Variants in ANKRD26 observed in about 807,000 individuals in gnomAD.
The protein encoded by ANKRD26 is ankyrin repeat domain 26.
In ANKRD26, 141 loss-of-function variants were observed where a neutral mutation model predicts 208.7. That is an observed-to-expected ratio of 0.68 (90% confidence interval 0.59 to 0.78). The LOEUF is 0.78. ANKRD26 is among the 30% of genes least tolerant of loss of function. The pLI, the probability that ANKRD26 is intolerant of heterozygous loss-of-function variation, is 0.00. For synonymous variants in ANKRD26, 636 were observed against 660.4 expected (o/e 0.96, Z 0.57); for missense variants, 1,889 against 1,938.7 (o/e 0.97, Z 0.48).
chr10:27,032,197 A>C (rs1031871963), intron 25 of ANKRD26, among the ~76,000 whole-genome samples: 1 of 152,254 alleles, frequency 6.6e-6, no homozygotes, highest in Non-Finnish European at 1.5e-5. Flanking sequence ...AAATGGCAGA[A>C]TGAAAGAGTT....
the ANKRD26 span, among the ~76,000 whole-genome samples, chr10:26,956,025 CTG>C: frequency 1.3e-5 from 2 of 152,028 alleles, no homozygotes; most frequent in Non-Finnish European, 2.9e-5. Context: ...AAATGACTAT[CTG>C]TGTTTAAAAT....
At chr10:27,012,831 G>C in intron 32 of ANKRD26, 51 bp downstream of exon 32, 1 of 1,544,500 alleles carries the variant, frequency 6.5e-7, no homozygotes, top group Non-Finnish European at 8.9e-7. Context: ...AACAAAAAAA[G>C]AATTACATGA....
Position 27,100,414 on chromosome 10 carries a change from C to T in ANKRD26, c.-88G>A, listed in dbSNP as rs957607780. 242 of 1,560,064 alleles carry T rather than the reference C, an allele frequency of 1.6e-4. No individual in the cohort carries two copies. The highest frequency in any genetic ancestry group is 1.9e-4 in the Non-Finnish European group (219 of 1,161,952). On this transcript the variant is annotated 5_prime_UTR_variant, in exon 1 of 34. Transcript: ENST00000376087. ...GCCCAACATAACAAGTCAGCCCCGG[C>T]TGGCCGCAGCCTCCCAAAGGAAACT...
intron 15 of ANKRD26, among the ~76,000 whole-genome samples, chr10:27,053,729 G>T (rs568759405): frequency 1.9e-3 from 295 of 152,144 alleles, no homozygotes; most frequent in Non-Finnish European, 2.7e-3. Flanking sequence ...GACAATACCA[G>T]GTTCAACCCA....
In ANKRD26 at chr10:27,086,564, T is replaced by A. The variant is rs2056122992; in HGVS notation, c.684A>T (p.Lys228Asn). ...CTGAATTACTATTTTGAGAAGAATG[T>A]TTAGGTATCCTTTCTTCTTTATATT... is the stretch of plus-strand genomic sequence containing the variant. ...ISEYKEERIPKHSSQNSNSVD... is the reference protein window; with the variant it reads ...ISEYKEERIPNHSSQNSNSVD... The change falls in exon 5 of 34, where the codon AAA becomes AAT. Residue 228 changes from lysine to asparagine, a missense_variant. Coordinates refer to ENST00000376087, the MANE Select transcript of ANKRD26 (RefSeq NM_014915.3). The A allele has an allele frequency of 1.2e-6, 2 of 1,605,702 alleles. No homozygotes were observed. The highest frequency in any genetic ancestry group is 2.2e-5 in the South Asian group (2 of 90,946).
intron 30 of ANKRD26, 148 bp downstream of exon 30, chr10:27,017,354 T>C (rs1285057964): frequency 7.0e-6 from 5 of 711,636 alleles, no homozygotes; most frequent in African/African-American, 1.8e-5. Flanking sequence ...GAAACTGGAA[T>C]ATCTAAAGGG....
At chr10:27,060,455 G>A in intron 14 of ANKRD26, 38 bp from the exon 15 acceptor site, 1 of 1,566,168 alleles carries the variant, frequency 6.4e-7, no homozygotes, top group Non-Finnish European at 8.8e-7. Flanking sequence ...AATAAATAAT[G>A]TATACTTTAT....
intron 27 of ANKRD26, among the ~76,000 whole-genome samples, chr10:27,027,288 T>C (rs2053693810): frequency 6.6e-6 from 1 of 152,224 alleles, no homozygotes; most frequent in Non-Finnish European, 1.5e-5. Context: ...ATAGTATCCA[T>C]TCTTGATGAG....
Position 27,046,362 on chromosome 10 carries a change from T to A in ANKRD26, c.1976A>T (p.Asp659Val). The stretch of plus-strand genomic sequence containing the variant: ...AAATCATAGATTTTACCTTCCTTCA[T>A]CCTCATCTATTTCACTTAAACTGCT... The part of the protein sequence containing the change: ...DDSSLSEIDE[D>V]EGRPTKKTSN... The change falls in exon 18 of 34, where the codon GAT becomes GTT. Residue 659 changes from aspartate (D) to valine (V), a missense_variant. Around this residue, in one of 3 missense-constraint regions of ANKRD26, gnomAD observed 1,272 missense variants for 1,273.8 expected, o/e 1.00. Coordinates refer to ENST00000376087, the MANE Select transcript of ANKRD26 (RefSeq NM_014915.3). 2.5e-6 allele frequency: 4 copies of A among 1,614,030 alleles called. No individual in the cohort carries two copies. Among genetic ancestry groups the A allele is most frequent in the Non-Finnish European group, 3.4e-6 (4 of 1,179,954 alleles).
intron 5 of ANKRD26, among the ~76,000 whole-genome samples, chr10:26,976,909 A>G (rs1383669710): frequency 6.6e-6 from 1 of 152,014 alleles, no homozygotes; most frequent in African/African-American, 2.4e-5. Flanking sequence ...GAAATCCACT[A>G]TTTTCAGAGG....
intron 15 of ANKRD26, among the ~76,000 whole-genome samples, chr10:27,055,184 G>C (rs1235631677): frequency 6.6e-6 from 1 of 152,088 alleles, no homozygotes; most frequent in Non-Finnish European, 1.5e-5. Context: ...CCTTATAAAA[G>C]GTATTAAATG....
At chr10:27,055,846 G>T (rs1028149839) in intron 15 of ANKRD26, among the ~76,000 whole-genome samples, 1 of 152,002 alleles carries the variant, frequency 6.6e-6, no homozygotes, top group South Asian at 2.1e-4. Flanking sequence ...GTGCTTTTTT[G>T]TTACATTACA....
At chr10:26,972,664 C>G (rs910850769), downstream of ANKRD26, among the ~76,000 whole-genome samples, 1 of 147,616 alleles carries the variant, frequency 6.8e-6, no homozygotes, top group Non-Finnish European at 1.5e-5. Flanking sequence ...GATCTTGGCT[C>G]ACTGCAAGTT....
chr10:27,096,942 G>A (rs1354432005), intron 1 of ANKRD26, among the ~76,000 whole-genome samples: 1 of 152,036 alleles, frequency 6.6e-6, no homozygotes, highest in Admixed American at 6.6e-5. Context: ...AACACTTTGG[G>A]AGGCCAAGGC....
At position 27,035,323 on chromosome 10, in the gene ANKRD26, G is replaced by C; in HGVS notation, c.3127C>G (p.Arg1043Gly). 1 of 1,613,832 alleles carries C rather than the reference G, an allele frequency of 6.2e-7. No homozygotes were observed. The highest frequency in any genetic ancestry group is 8.5e-7 in the Non-Finnish European group (1 of 1,179,894). ...AFQRARDECS[R>G]LQDKMNFDVS... is the part of the protein sequence containing the mutation. ...TCAAAATTCATTTTGTCCTGTAAACGAGAACATTCATCTCTTGCTCTCTGG... is the reference window on the plus strand; with the variant it reads ...TCAAAATTCATTTTGTCCTGTAAACCAGAACATTCATCTCTTGCTCTCTGG... Residue 1043 changes from arginine (R) to glycine (G), a missense_variant, in exon 24 of 34, where the codon CGT (arginine) becomes GGT (glycine). By Grantham distance (125) the Arg-to-Gly change is moderately radical. Coordinates refer to ENST00000376087, the MANE Select transcript of ANKRD26 (RefSeq NM_014915.3).
chr10:27,034,039 C>T (rs184919908), intron 24 of ANKRD26, among the ~76,000 whole-genome samples: 1 of 152,136 alleles, frequency 6.6e-6, no homozygotes, highest in Admixed American at 6.5e-5. Flanking sequence ...AAGTTATACC[C>T]AAATGATAGT....
chr10:26,970,808 G>A (rs77179451), downstream of ANKRD26, among the ~76,000 whole-genome samples: 3,538 of 152,234 alleles, frequency 0.023, 146 homozygotes, highest in African/African-American at 0.08. Flanking sequence ...AATCAAATAC[G>A]GAGCCAGCAC....
chr10:27,090,631 G>A (rs2056270305), intron 4 of ANKRD26, among the ~76,000 whole-genome samples: 1 of 151,928 alleles, frequency 6.6e-6, no homozygotes, highest in African/African-American at 2.4e-5. Context: ...GTCTCACTGG[G>A]GTATTACATA....
chr10:27,062,141 T>G lies in ANKRD26; in HGVS notation c.1364-899A>C, dbSNP rs547789190. On this transcript the variant is annotated intron_variant, in intron 12 of 33. Coordinates refer to ENST00000376087, the MANE Select transcript of ANKRD26 (RefSeq NM_014915.3). ...GCAAAAGTAATCTCCAGATCTGTGGTCTTGATTCTTCCCATTCTATATTCT... is the reference window on the plus strand; with the variant it reads ...GCAAAAGTAATCTCCAGATCTGTGGGCTTGATTCTTCCCATTCTATATTCT... 142 of 985,360 alleles carry G rather than the reference T, an allele frequency of 1.4e-4. No individual in the cohort carries two copies. In the East Asian group the frequency reaches 4.7e-3, roughly 32 times the overall value. 61.0% of individuals were successfully genotyped at this position (985,360 alleles called of 1,614,324 possible).
Sources: allele counts gnomAD v4.1 joint callset (sites outside exome capture counted in the v4.1 genomes callset), GRCh38; gene constraint gnomAD v4.1.1; regional missense constraint gnomAD v4.1.1; transcripts MANE v1.5; gene names NCBI Gene and HGNC (gene_info 2026-07-23, HGNC 2026-07-21).